CREBL2: variants seen among roughly 807,000 people sequenced by gnomAD.
CREBL2 encodes cAMP responsive element binding protein like 2, also known as cAMP-responsive element-binding protein-like 2.
CREBL2 carries 4 observed loss-of-function variants against 19.5 expected under a neutral mutation model. That is an observed-to-expected ratio of 0.20 (90% confidence interval 0.10 to 0.47). The LOEUF (loss-of-function observed/expected upper bound fraction) is 0.47, where lower values mean the gene tolerates loss of function less well. Ranked by LOEUF, CREBL2 falls within the 20% of genes least tolerant of loss-of-function variation. The pLI is 0.98. For synonymous variants in CREBL2, 42 were observed against 46.6 expected (o/e 0.90, Z 0.40); for missense variants, 85 against 145.1 (o/e 0.59, Z 2.13).
At chr12:12,634,842 G>A (rs1945462652) in intron 1 of CREBL2, among the ~76,000 whole-genome samples, 4 of 152,114 alleles carry the variant, frequency 2.6e-5, no homozygotes, top group African/African-American at 9.7e-5. Flanking sequence ...GATCGCTTGA[G>A]GCCGGGAGTT....
intron 1 of CREBL2, among the ~76,000 whole-genome samples, chr12:12,626,893 G>T (rs1213025452): frequency 7.2e-6 from 1 of 139,208 alleles, no homozygotes; most frequent in Admixed American, 7.2e-5. Context: ...GAAAAGAAAA[G>T]AAAGAAAGAA....
At chr12:12,635,999 G>GA (rs1349925824) in intron 2 of CREBL2, 25 bp downstream of exon 2, 27 of 1,586,994 alleles carry the variant, frequency 1.7e-5, no homozygotes, top group Non-Finnish European at 2.1e-5. Context: ...GTAAACACAT[G>GA]AAAAAATCAC....
chr12:12,624,187 C>G (rs1172883451), intron 1 of CREBL2, among the ~76,000 whole-genome samples: 1 of 152,200 alleles, frequency 6.6e-6, no homozygotes. Context: ...TTTTCTTGAA[C>G]TCGAGGGTGA....
chr12:12,623,079 G>C (rs1945372176), intron 1 of CREBL2, among the ~76,000 whole-genome samples: 1 of 147,786 alleles, frequency 6.8e-6, no homozygotes, highest in Admixed American at 6.9e-5. Context: ...CTGAGAGGGA[G>C]CATTTCTTTG....
chr12:12,644,512 T>C lies in CREBL2; in HGVS notation c.*2514T>C, dbSNP rs1365403586. 6.6e-6 allele frequency: 1 copy of C among 152,616 alleles called. No individual in the cohort carries two copies. Among genetic ancestry groups the C allele is most frequent in the Non-Finnish European group, 1.5e-5 (1 of 68,026 alleles). The allele number at this position is 152,616 out of a possible 1,614,324, so 9.5% of individuals were successfully genotyped here. A position where few individuals can be genotyped will look rare whatever the true frequency, so the allele number is the denominator to read the frequency against. ...AAGAAAGAAAAGGGGGAAAATATAT[T>C]TGTATGTTTAGACCAGCCAAATTCT... is the stretch of plus-strand genomic sequence containing the variant. On this transcript the variant is annotated 3_prime_UTR_variant, in exon 4 of 4. Transcript: ENST00000228865.
At chr12:12,614,985 G>A (rs1592236326) in intron 1 of CREBL2, 1 of 190,254 alleles carries the variant, frequency 5.3e-6, no homozygotes, top group East Asian at 1.6e-4. Context: ...AGTCTCCCGA[G>A]TAGGTGTGAT....
intron 1 of CREBL2, chr12:12,632,378 G>A (rs1426485693): frequency 6.6e-6 from 1 of 151,818 alleles, no homozygotes; most frequent in Non-Finnish European, 1.5e-5. Context: ...CGCCCGGCCA[G>A]CCTTTCTAAT....
In CREBL2 at chr12:12,644,674, T is replaced by C. The variant is rs908772983; in HGVS notation, c.*2676T>C. The C allele has an allele frequency of 2.0e-5, 3 of 152,662 alleles. No homozygotes were observed. The highest frequency in any genetic ancestry group is 1.9e-4 in the East Asian group (1 of 5,204). 9.5% of individuals were successfully genotyped at this position (152,662 alleles called of 1,614,324 possible). On this transcript the variant is annotated 3_prime_UTR_variant, in exon 4 of 4. Transcript: ENST00000228865. ...TATTTTATCTAAAATCTTTCCATTA[T>C]ATCTAAATTAGAATGATCATCCTGC...
chr12:12,627,396 G>A (rs1945409939), intron 1 of CREBL2, among the ~76,000 whole-genome samples: 1 of 152,100 alleles, frequency 6.6e-6, no homozygotes, highest in African/African-American at 2.4e-5. Flanking sequence ...GCCATTAACA[G>A]GCACTCCCCA....
intron 1 of CREBL2, among the ~76,000 whole-genome samples, chr12:12,630,100 C>T (rs1036631459): frequency 6.6e-6 from 1 of 152,088 alleles, no homozygotes; most frequent in African/African-American, 2.4e-5. Context: ...GTTTCAAGTA[C>T]ATATTGGCCT....
At chr12:12,635,350 CAG>C (rs1465485040) in intron 1 of CREBL2, among the ~76,000 whole-genome samples, 1 of 144,088 alleles carries the variant, frequency 6.9e-6, no homozygotes, top group African/African-American at 2.6e-5. Context: ...GCCTGAGTGA[CAG>C]AGTGAGACCC....
chr12:12,633,111 A>G (rs964749243), intron 1 of CREBL2, among the ~76,000 whole-genome samples: 8 of 150,984 alleles, frequency 5.3e-5, no homozygotes, highest in Non-Finnish European at 7.4e-5. Context: ...TAAGTTTTGT[A>G]TTTTTAGTAG....
At chr12:12,628,559 C>G (rs118138563) in intron 1 of CREBL2, among the ~76,000 whole-genome samples, 4,377 of 152,212 alleles carry the variant, frequency 0.029, 89 homozygotes, top group Non-Finnish European at 0.043. Flanking sequence ...GGAGTAAATC[C>G]TCTGTTTTCC....
intron 2 of CREBL2, among the ~76,000 whole-genome samples, chr12:12,636,493 C>T (rs759217184): frequency 6.6e-6 from 1 of 152,140 alleles, no homozygotes; most frequent in Non-Finnish European, 1.5e-5. Flanking sequence ...GATCTCAGCT[C>T]ATTGCAAGCT....
At chr12:12,629,051 T>C (rs1039812558) in intron 1 of CREBL2, among the ~76,000 whole-genome samples, 123 of 152,344 alleles carry the variant, frequency 8.1e-4, no homozygotes, top group Non-Finnish European at 3.5e-4. Context: ...AATCAGAAAG[T>C]GTGAGCCCTC....
intron 2 of CREBL2, 127 bp from the exon 3 acceptor site, chr12:12,637,443 G>A (rs1436858890): frequency 1.7e-5 from 8 of 473,290 alleles, no homozygotes; most frequent in African/African-American, 6.2e-5. Flanking sequence ...AGCAGCGAAC[G>A]TGACCTCTAG....
chr12:12,617,823 G>A (rs1297618217), intron 1 of CREBL2, among the ~76,000 whole-genome samples: 2 of 151,424 alleles, frequency 1.3e-5, no homozygotes, highest in African/African-American at 2.4e-5. Context: ...GCGGCCTTCC[G>A]CTGTGTTTGT....
Position 12,612,169 on chromosome 12 carries a change from C to T in CREBL2, c.-4C>T, listed in dbSNP as rs756768308. 5 of 1,613,032 alleles carry T rather than the reference C, an allele frequency of 3.1e-6. No homozygotes were observed. The highest frequency in any genetic ancestry group is 1.7e-5 in the Admixed American group (1 of 60,024). On this transcript the variant is annotated 5_prime_UTR_variant, in exon 1 of 4. Transcript: ENST00000228865. ...TGCCTGGCCAGGCCGGCCTGTCTGCCGCGATGGATGACAGTAAGGTAAGTC... is the reference window on the plus strand; with the variant it reads ...TGCCTGGCCAGGCCGGCCTGTCTGCTGCGATGGATGACAGTAAGGTAAGTC...
chr12:12,636,421 T>C (rs892410839), intron 2 of CREBL2, among the ~76,000 whole-genome samples: 19 of 152,264 alleles, frequency 1.2e-4, no homozygotes, highest in African/African-American at 4.1e-4. Flanking sequence ...ATTTTTATTT[T>C]TTATTTTTTA....
Sources: gnomAD v4.1 joint callset for allele counts (sites outside exome capture counted in the v4.1 genomes callset) on GRCh38, gnomAD v4.1.1 for gene constraint, MANE v1.5 for transcripts, NCBI Gene and HGNC (gene_info 2026-07-23, HGNC 2026-07-21) for gene names.